Variants in TG observed in about 807,000 individuals in gnomAD.
TG encodes the protein thyroid hormones.
TG carries 270 observed loss-of-function variants against 324.7 expected under a neutral mutation model. The observed-to-expected ratio is 0.83, with a 90% CI of 0.75 to 0.92. The LOEUF (loss-of-function observed/expected upper bound fraction) is 0.92, where lower values mean the gene tolerates loss of function less well. Ranked by LOEUF, TG falls within the 40% of genes least tolerant of loss-of-function variation. TG has a pLI of 0.00. For synonymous variants in TG, 1,401 were observed against 1,327.0 expected (o/e 1.06, Z -1.21); for missense variants, 3,591 against 3,456.4 (o/e 1.04, Z -0.98).
chr8:132,889,360 A>G (rs1815896604), intron 10 of TG, among the ~76,000 whole-genome samples: 2 of 152,212 alleles, frequency 1.3e-5, no homozygotes, highest in Admixed American at 1.3e-4. Flanking sequence ...CAAGTTTAAC[A>G]TTGTCTGGAC....
rs1294522135 is a variant in TG, at chr8:133,058,420, C to G, written c.7239+28397C>G. Among the ~76,000 whole-genome samples the G allele has an allele frequency of 2.0e-5, 3 of 152,226 alleles. No homozygotes were observed. In the East Asian group the frequency reaches 5.8e-4, roughly 29 times the overall value. On this transcript the variant is annotated intron_variant, in intron 41 of 47. Transcript: ENST00000220616. ...ATAATGGAACAAAATCAACTTATTT[C>G]ATGACAATTTGCATTGAAAAGTTGA...
intron 43 of TG, among the ~76,000 whole-genome samples, chr8:133,100,074 G>C (rs367748194): frequency 1.3e-5 from 2 of 152,184 alleles, no homozygotes; most frequent in East Asian, 3.8e-4. Flanking sequence ...TGTGACCTCT[G>C]TTAGCTCTCT....
chr8:132,956,603 G>C (rs1224288036), intron 27 of TG, among the ~76,000 whole-genome samples: 1 of 152,188 alleles, frequency 6.6e-6, no homozygotes, highest in Non-Finnish European at 1.5e-5. Context: ...AGGCCTGACA[G>C]CAAGCATTCA....
chr8:132,891,128 T>G (rs1406778192), intron 10 of TG, among the ~76,000 whole-genome samples: 3 of 152,106 alleles, frequency 2.0e-5, no homozygotes, highest in African/African-American at 7.2e-5. Context: ...CATTGAAGAT[T>G]GGGGTAAAGA....
intron 45 of TG, among the ~76,000 whole-genome samples, chr8:133,118,786 A>G (rs1256362677): frequency 6.6e-6 from 1 of 152,212 alleles, no homozygotes; most frequent in Non-Finnish European, 1.5e-5. Flanking sequence ...GAAAGATATC[A>G]GGACCCAATC....
chr8:133,064,252 C>G (rs761258417), intron 41 of TG: 1 of 152,206 alleles, frequency 6.6e-6, no homozygotes, highest in Non-Finnish European at 1.5e-5. Context: ...TTTTAGCAAT[C>G]AAGACTCAAT....
intron 45 of TG, among the ~76,000 whole-genome samples, chr8:133,120,993 T>G (rs1037507009): frequency 6.6e-6 from 1 of 152,136 alleles, no homozygotes; most frequent in African/African-American, 2.4e-5. Context: ...AGTAGTGTCC[T>G]CATGTCCCTA....
At chr8:133,132,599 G>A (rs2130412451) in intron 46 of TG, among the ~76,000 whole-genome samples, 1 of 152,234 alleles carries the variant, frequency 6.6e-6, no homozygotes. Flanking sequence ...TTTGCCTGAT[G>A]TGAGTTGATT....
At chr8:133,012,130 C>T (rs778444499) in intron 36 of TG, 95 bp downstream of exon 36, 82 of 1,550,508 alleles carry the variant, frequency 5.3e-5, no homozygotes, top group South Asian at 1.5e-4. Flanking sequence ...TGAGACACTA[C>T]GATAACCTAG....
chr8:133,059,210 AC>A (rs1449684648), intron 41 of TG: 4 of 448,462 alleles, frequency 8.9e-6, no homozygotes, highest in African/African-American at 8.0e-5. Flanking sequence ...GAAATGGGAC[AC>A]CAGGCCCCAA....
chr8:132,905,077 C>CA (rs1818480619), intron 16 of TG, among the ~76,000 whole-genome samples: 1 of 152,162 alleles, frequency 6.6e-6, no homozygotes, highest in Non-Finnish European at 1.5e-5. Flanking sequence ...CTGATATTAG[C>CA]AAAGCTCTTA....
intron 37 of TG, among the ~76,000 whole-genome samples, chr8:133,016,897 C>T (rs1835074713): frequency 6.6e-6 from 1 of 152,180 alleles, no homozygotes; most frequent in Non-Finnish European, 1.5e-5. Flanking sequence ...ACGTCGCTGG[C>T]GATTAGTGTT....
intron 11 of TG, 44 bp downstream of exon 11, chr8:132,893,973 A>G (rs973596420): frequency 6.2e-7 from 1 of 1,613,848 alleles, no homozygotes. Context: ...TCGCTTTGGA[A>G]AAGCAGGAGC....
intron 5 of TG, among the ~76,000 whole-genome samples, chr8:132,875,700 T>C (rs552586314): frequency 7.9e-5 from 12 of 152,276 alleles, no homozygotes; most frequent in Admixed American, 3.3e-4. Context: ...AAGCATTCTT[T>C]GTTTAAAAGA....
chr8:132,983,316 G>A (rs1025075662), intron 34 of TG, 34 bp from the exon 35 acceptor site: 2 of 1,610,638 alleles, frequency 1.2e-6, no homozygotes, highest in Non-Finnish European at 1.7e-6. Flanking sequence ...CATGGGGGTA[G>A]AAAAGAACTG....
At chr8:133,016,404 C>A (rs1395167938) in intron 37 of TG, among the ~76,000 whole-genome samples, 2 of 152,160 alleles carry the variant, frequency 1.3e-5, no homozygotes, top group Non-Finnish European at 2.9e-5. Flanking sequence ...CTGTGACAGC[C>A]AAAAATGTCT....
chr8:132,890,387 G>A (rs551341987), intron 10 of TG, among the ~76,000 whole-genome samples: 22 of 152,166 alleles, frequency 1.4e-4, no homozygotes, highest in East Asian at 5.8e-4. Flanking sequence ...TGTTGATAAG[G>A]GTATGCAATT....
chr8:132,914,573 C>G (rs537256997), intron 20 of TG, among the ~76,000 whole-genome samples: 2 of 152,296 alleles, frequency 1.3e-5, no homozygotes, highest in African/African-American at 4.8e-5. Context: ...CACAATAGCC[C>G]CTGGTGGCAG....
chr8:133,062,810 C>A (rs1388490749), intron 41 of TG, among the ~76,000 whole-genome samples: 1 of 152,202 alleles, frequency 6.6e-6, no homozygotes, highest in East Asian at 1.9e-4. Context: ...CTGCTTTGCA[C>A]AGGCCTCAGG....
Sources: allele counts gnomAD v4.1 joint callset (sites outside exome capture counted in the v4.1 genomes callset), GRCh38; gene constraint gnomAD v4.1.1; transcripts MANE v1.5; gene names NCBI Gene and HGNC (gene_info 2026-07-23, HGNC 2026-07-21).